ASAH2: variants seen among roughly 807,000 people sequenced by gnomAD.
ASAH2 encodes N-acylsphingosine amidohydrolase 2, also known as neutral ceramidase.
ASAH2 carries 58 observed loss-of-function variants against 82.9 expected under a neutral mutation model. That is an observed-to-expected ratio of 0.70 (90% confidence interval 0.57 to 0.87). The LOEUF (loss-of-function observed/expected upper bound fraction) is 0.87. ASAH2 is among the 40% of genes least tolerant of loss of function. ASAH2 has a pLI of 0.00. For missense variants in ASAH2, 779 were observed against 834.0 expected (o/e 0.93, Z 0.81); for synonymous variants, 276 against 289.7 (o/e 0.95, Z 0.48).
intron 7 of ASAH2, among the ~76,000 whole-genome samples, chr10:50,221,132 T>C (rs1845733773): frequency 6.6e-6 from 1 of 152,186 alleles, no homozygotes; most frequent in Non-Finnish European, 1.5e-5. Flanking sequence ...CTAAGAGTCA[T>C]CCCCTCGCAG....
intron 1 of ASAH2, among the ~76,000 whole-genome samples, chr10:50,249,738 AAG>A (rs1426503304): frequency 6.6e-6 from 1 of 152,220 alleles, no homozygotes; most frequent in East Asian, 1.9e-4. Context: ...CAAAGTAGCA[AAG>A]AGTCTGTGCT....
chr10:50,205,549 T>C (rs1845271402), intron 13 of ASAH2, among the ~76,000 whole-genome samples: 1 of 152,052 alleles, frequency 6.6e-6, no homozygotes. Flanking sequence ...AATATATGTT[T>C]CAAAGGAGTG....
intron 13 of ASAH2, 59 bp downstream of exon 13, chr10:50,205,923 G>T: frequency 7.8e-7 from 1 of 1,279,704 alleles, no homozygotes; most frequent in Non-Finnish European, 1.1e-6. Flanking sequence ...TTACCTGACA[G>T]TTCACATATT....
At chr10:50,232,078 A>G (rs1846034147) in intron 7 of ASAH2, among the ~76,000 whole-genome samples, 1 of 152,136 alleles carries the variant, frequency 6.6e-6, no homozygotes, top group Non-Finnish European at 1.5e-5. Context: ...ACCTTACCTC[A>G]AGACCTGAAC....
At chr10:50,225,488 C>A (rs1485132799) in intron 7 of ASAH2, among the ~76,000 whole-genome samples, 1 of 152,080 alleles carries the variant, frequency 6.6e-6, no homozygotes, top group Non-Finnish European at 1.5e-5. Context: ...CAGGAAATGG[C>A]CAATAGACTA....
intron 13 of ASAH2, 118 bp downstream of exon 13, chr10:50,205,864 T>C (rs1019785255): frequency 2.3e-6 from 2 of 874,530 alleles, no homozygotes; most frequent in Admixed American, 1.9e-5. Context: ...AAACTTGATA[T>C]GGGAATATCT....
chr10:50,223,176 G>A (rs1249355608), intron 7 of ASAH2, among the ~76,000 whole-genome samples: 7 of 152,126 alleles, frequency 4.6e-5, no homozygotes, highest in Admixed American at 6.6e-5. Context: ...TATAGAATCA[G>A]TAAACAACAT....
intron 7 of ASAH2, among the ~76,000 whole-genome samples, chr10:50,229,618 T>C (rs1845976709): frequency 6.6e-6 from 1 of 152,188 alleles, no homozygotes; most frequent in Non-Finnish European, 1.5e-5. Context: ...TTCTTTGTCA[T>C]GCCATCTAAT....
In ASAH2 at chr10:50,186,822, A is replaced by C. The variant is rs1169088860; in HGVS notation, c.*493T>G. The C allele has an allele frequency of 1.3e-4, 18 of 136,566 alleles. No homozygotes were observed. The highest frequency in any genetic ancestry group is 5.4e-4 in the African/African-American group (18 of 33,142). 8.5% of individuals were successfully genotyped at this position (136,566 alleles called of 1,614,324 possible). A position where few individuals can be genotyped will look rare whatever the true frequency, so the allele number is the denominator to read the frequency against. On this transcript the variant is annotated 3_prime_UTR_variant, in exon 21 of 21. Transcript: ENST00000682911. ...ATATTTTGTAAATGTGATTAGAAGA[A>C]AAGACCATTTTTCTTATATGTAAGA...
At chr10:50,202,555 C>T (rs1845179146) in intron 16 of ASAH2, among the ~76,000 whole-genome samples, 2 of 151,968 alleles carry the variant, frequency 1.3e-5, no homozygotes, top group Non-Finnish European at 2.9e-5. Flanking sequence ...TGTTTTATGC[C>T]ACAACCCAGG....
chr10:50,206,695 ATGTC>A (rs1375578729), intron 12 of ASAH2, among the ~76,000 whole-genome samples: 1 of 151,998 alleles, frequency 6.6e-6, no homozygotes, highest in Non-Finnish European at 1.5e-5. Context: ...ATAATTATAA[ATGTC>A]TGTGTAACAT....
At chr10:50,247,768 C>G (rs1041162134) in intron 2 of ASAH2, among the ~76,000 whole-genome samples, 1 of 152,102 alleles carries the variant, frequency 6.6e-6, no homozygotes, top group Non-Finnish European at 1.5e-5. Context: ...ACAGAGGCTC[C>G]ACCAAGACCC....
At chr10:50,245,156 T>C (rs550868484) in intron 3 of ASAH2, 66 bp downstream of exon 3, 2 of 1,289,532 alleles carry the variant, frequency 1.6e-6, no homozygotes, top group South Asian at 2.5e-5. Context: ...CAGAAATGAA[T>C]GCAGGTTGTA....
At chr10:50,234,047 T>TA (rs1846083509) in intron 6 of ASAH2, among the ~76,000 whole-genome samples, 1 of 152,160 alleles carries the variant, frequency 6.6e-6, no homozygotes, top group Admixed American at 6.6e-5. Flanking sequence ...AGCACATTTT[T>TA]ATCTTCATTT....
At chr10:50,202,748 T>C (rs1421762664) in intron 16 of ASAH2, 81 bp downstream of exon 16, 1 of 1,007,932 alleles carries the variant, frequency 9.9e-7, no homozygotes, top group Non-Finnish European at 1.6e-6. Flanking sequence ...ACTGGGAAAG[T>C]TTACAAAGCA....
intron 8 of ASAH2, among the ~76,000 whole-genome samples, chr10:50,217,856 G>C (rs1564840983): frequency 1.3e-5 from 2 of 152,172 alleles, no homozygotes. Flanking sequence ...CTGGAGCAGT[G>C]GCTCATGCCT....
chr10:50,219,743 C>T (rs1329326823), intron 7 of ASAH2, among the ~76,000 whole-genome samples: 2 of 152,186 alleles, frequency 1.3e-5, no homozygotes, highest in African/African-American at 4.8e-5. Flanking sequence ...GTTCTTATTG[C>T]CTATCAGAAG....
chr10:50,220,836 CAAAAAAAAAAA>C (rs1206033397), intron 7 of ASAH2, among the ~76,000 whole-genome samples: 6 of 76,204 alleles, frequency 7.9e-5, no homozygotes, highest in East Asian at 7.7e-4. Context: ...ATACTCTAGC[CAAAAAAAAAAA>C]AAAAAAAAAA....
At chr10:50,217,439 G>A (rs1326579358) in intron 8 of ASAH2, among the ~76,000 whole-genome samples, 1 of 152,036 alleles carries the variant, frequency 6.6e-6, no homozygotes, top group Non-Finnish European at 1.5e-5. Context: ...ATGTTGGCCA[G>A]GCTGGTCTCG....
Sources: gnomAD v4.1 joint callset for allele counts (sites outside exome capture counted in the v4.1 genomes callset) on GRCh38, gnomAD v4.1.1 for gene constraint, MANE v1.5 for transcripts, NCBI Gene and HGNC (gene_info 2026-07-23, HGNC 2026-07-21) for gene names.